The following OGDH variants were observed in gnomAD, a reference collection of about 807,000 sequenced individuals.
OGDH encodes the protein 2-oxoglutarate dehydrogenase complex component E1.
Under a neutral mutation model 116.6 loss-of-function variants are expected in OGDH, and 38 were observed. The observed-to-expected ratio is 0.33, with a 90% CI of 0.25 to 0.43. The LOEUF (loss-of-function observed/expected upper bound fraction) is 0.43, where lower values mean the gene tolerates loss of function less well. Among genes scored for constraint, OGDH ranks in the 20% least tolerant of loss-of-function variants. OGDH has a pLI of 1.00. For synonymous variants in OGDH, 488 were observed against 533.3 expected, an observed-to-expected ratio of 0.92 and a Z score of 1.17; for missense variants, 825 against 1,357.2, an observed-to-expected ratio of 0.61 and a Z score of 6.16.
intron 4 of OGDH, chr7:44,666,485 T>A: frequency 3.9e-6 from 1 of 255,052 alleles, no homozygotes; most frequent in Non-Finnish European, 7.4e-6. Flanking sequence ...AACTAACTTA[T>A]GCATAATATG....
intron 4 of OGDH, 45 bp downstream of exon 4, chr7:44,647,804 G>A (rs373759293): frequency 3.5e-6 from 5 of 1,446,638 alleles, no homozygotes; most frequent in East Asian, 4.5e-5. Context: ...AGCTCCTCTC[G>A]CTGTGCCACG....
At chr7:44,663,161 C>T (rs1342852695) in intron 4 of OGDH, among the ~76,000 whole-genome samples, 2 of 151,974 alleles carry the variant, frequency 1.3e-5, no homozygotes, top group African/African-American at 4.8e-5. Context: ...TCTGTTGTTC[C>T]GTCTTCAAAT....
chr7:44,638,261 C>T (rs1322518419), intron 2 of OGDH, among the ~76,000 whole-genome samples: 1 of 152,102 alleles, frequency 6.6e-6, no homozygotes, highest in African/African-American at 2.4e-5. Context: ...TGGAGCTGGG[C>T]ACACCCACGT....
At chr7:44,679,785 G>A (rs1224386213) in intron 9 of OGDH, among the ~76,000 whole-genome samples, 1 of 152,186 alleles carries the variant, frequency 6.6e-6, no homozygotes, top group Non-Finnish European at 1.5e-5. Context: ...AAAAACTGAG[G>A]TTCCCAGAAA....
chr7:44,639,188 A>G (rs573100593), intron 2 of OGDH, among the ~76,000 whole-genome samples: 3 of 152,306 alleles, frequency 2.0e-5, no homozygotes, highest in African/African-American at 7.2e-5. Flanking sequence ...GCAGATCCAG[A>G]TTCAGGTGTT....
chr7:44,664,007 T>C (rs1368156375), intron 4 of OGDH, among the ~76,000 whole-genome samples: 2 of 152,194 alleles, frequency 1.3e-5, no homozygotes, highest in Non-Finnish European at 2.9e-5. Flanking sequence ...TTCTAACATA[T>C]TGGTCATCAT....
chr7:44,699,006 T>C (rs1788709359), intron 18 of OGDH, among the ~76,000 whole-genome samples: 1 of 150,908 alleles, frequency 6.6e-6, no homozygotes, highest in Admixed American at 6.6e-5. Context: ...TAGCTGGGCA[T>C]GGTGGCGCCC....
chr7:44,648,648 C>T (rs1486167256), intron 4 of OGDH, among the ~76,000 whole-genome samples: 1 of 133,754 alleles, frequency 7.5e-6, no homozygotes, highest in Non-Finnish European at 1.5e-5. Flanking sequence ...GGGAATGGTA[C>T]AGACAGTCTC....
At position 44,698,207 on chromosome 7, in the gene OGDH, T is replaced by G. The variant is rs938952182; in HGVS notation, c.2374T>G (p.Ser792Ala). 11 of 1,614,060 alleles carry G rather than the reference T, an allele frequency of 6.8e-6. No individual in the cohort carries two copies. Among genetic ancestry groups the G allele is most frequent in the African/African-American group, 1.3e-5 (1 of 74,926 alleles). ...GTGGTTCCAGGGTCCAGAACATTCC[T>G]CCGCCCGCCCAGAGCGGTTCTTGCA... ...GMEGMGPEHS[S>A]ARPERFLQMC... The change falls in exon 18 of 23, where the codon TCC (serine) becomes GCC (alanine). Residue 792 changes from serine to alanine, a missense_variant. This residue lies in a region of OGDH where 73 missense variants were observed against 182.3 expected (regional missense o/e 0.40). Transcript: ENST00000222673.
At chr7:44,621,328 C>T (rs1785000966) in intron 1 of OGDH, among the ~76,000 whole-genome samples, 1 of 152,174 alleles carries the variant, frequency 6.6e-6, no homozygotes, top group East Asian at 1.9e-4. Flanking sequence ...TAAGCCTTGG[C>T]ACCCCAAAGT....
intron 1 of OGDH, among the ~76,000 whole-genome samples, chr7:44,616,893 G>A (rs1180249840): frequency 1.5e-5 from 2 of 129,238 alleles, no homozygotes; most frequent in Admixed American, 1.5e-4. Flanking sequence ...ATGTATATAT[G>A]TGAGCCGAGA....
chr7:44,611,737 A>G (rs995150336), intron 1 of OGDH, among the ~76,000 whole-genome samples: 2 of 151,440 alleles, frequency 1.3e-5, no homozygotes, highest in African/African-American at 2.4e-5. Context: ...TAAATTTTAC[A>G]TTTAAATCTA....
chr7:44,616,610 T>C (rs1303770421), intron 1 of OGDH, among the ~76,000 whole-genome samples: 2 of 139,690 alleles, frequency 1.4e-5, no homozygotes, highest in South Asian at 2.5e-4. Flanking sequence ...AGGCTACATA[T>C]ATATATGTAT....
intron 4 of OGDH, among the ~76,000 whole-genome samples, chr7:44,656,520 TTTAA>T (rs1786698301): frequency 6.6e-6 from 1 of 152,216 alleles, no homozygotes. Flanking sequence ...TTTCCCTTCC[TTTAA>T]TTATTAACCA....
intron 9 of OGDH, among the ~76,000 whole-genome samples, chr7:44,681,439 G>T (rs1320822962): frequency 1.3e-5 from 2 of 152,172 alleles, no homozygotes; most frequent in African/African-American, 2.4e-5. Flanking sequence ...CAGAGGGTCC[G>T]GGTAGTCATG....
In OGDH at chr7:44,624,310, T is replaced by TTTTTTAGG; in HGVS notation, c.-27-7_-27-6insTTTTTAGG. 2.7e-6 allele frequency: 3 copies of TTTTTTAGG among 1,102,340 alleles called. No homozygotes were observed. The highest frequency in any genetic ancestry group is 2.6e-5 in the Admixed American group (1 of 39,024). 68.3% of individuals were successfully genotyped at this position (1,102,340 alleles called of 1,614,324 possible). ...TTTCTTGTTTTTTTTTTTTTTTTTT[T>TTTTTTAGG]GTACAGGCAGTTGTGAAAAACTTCA... is the stretch of plus-strand genomic sequence containing the variant. On this transcript the variant is annotated splice_region_variant and splice_polypyrimidine_tract_variant and intron_variant, in intron 1 of 22. Coordinates refer to ENST00000222673, the MANE Select transcript of OGDH (RefSeq NM_002541.4).
At chr7:44,670,781 C>A (rs374178013) in intron 5 of OGDH, among the ~76,000 whole-genome samples, 2 of 151,976 alleles carry the variant, frequency 1.3e-5, no homozygotes, top group Non-Finnish European at 2.9e-5. Context: ...GAGGCCAAGG[C>A]GGGCGAATCA....
chr7:44,656,595 C>T (rs190615753), intron 4 of OGDH, among the ~76,000 whole-genome samples: 23 of 152,298 alleles, frequency 1.5e-4, no homozygotes, highest in African/African-American at 5.5e-4. Flanking sequence ...TCAAAGAGCA[C>T]TTTTCATCTT....
At position 44,694,441 on chromosome 7, in the gene OGDH, C is replaced by T. The variant is rs776836611; in HGVS notation, c.1533C>T (p.Asn511=). The T allele has an allele frequency of 3.5e-5, 56 of 1,613,792 alleles. No individual in the cohort carries two copies. The highest frequency in any genetic ancestry group is 2.3e-4 in the Admixed American group (14 of 59,976). ...CTGAGCAGGTGTGTTACCGGCGCAACGGCCACAACGAGATGGATGAGCCCA... is the reference window on the plus strand; with the variant it reads ...CTGAGCAGGTGTGTTACCGGCGCAATGGCCACAACGAGATGGATGAGCCCA... ...VVVDLVCYRR[N]GHNEMDEPMF... is the part of the protein sequence containing the mutation. Residue 511 remains asparagine, a synonymous_variant, in exon 12 of 23, where the codon AAC becomes AAT. Transcript: ENST00000222673. This position sits in a 1 kb window ranked among gnomAD's most constrained non-coding sequence, Gnocchi z 4.2.
Sources: allele counts gnomAD v4.1 joint callset (sites outside exome capture counted in the v4.1 genomes callset), GRCh38; gene constraint gnomAD v4.1.1; regional missense constraint gnomAD v4.1.1; non-coding constraint Gnocchi (gnomAD v3.1); transcripts MANE v1.5; gene names NCBI Gene and HGNC (gene_info 2026-07-23, HGNC 2026-07-21).